CPQ: variants seen among roughly 807,000 people sequenced by gnomAD.
The protein encoded by CPQ is carboxypeptidase Q.
A neutral mutation model predicts 45.7 loss-of-function variants in CPQ; 37 were observed. The observed-to-expected ratio is 0.81, with a 90% CI of 0.62 to 1.07. CPQ has a LOEUF of 1.07. CPQ is among the 50% of genes least tolerant of loss of function. The pLI is 0.00. For synonymous variants in CPQ, 186 were observed against 205.8 expected, an observed-to-expected ratio of 0.90 and a Z score of 0.82; for missense variants, 537 against 572.9, an observed-to-expected ratio of 0.94 and a Z score of 0.64.
At chr8:97,084,614 C>CA (rs1470021294) in intron 7 of CPQ, among the ~76,000 whole-genome samples, 2 of 152,288 alleles carry the variant, frequency 1.3e-5, no homozygotes, top group African/African-American at 4.8e-5. Context: ...ATTACAGAGG[C>CA]ACATACAGTG....
At chr8:96,883,062 C>T (rs1812249780) in intron 4 of CPQ, among the ~76,000 whole-genome samples, 1 of 152,128 alleles carries the variant, frequency 6.6e-6, no homozygotes, top group South Asian at 2.1e-4. Flanking sequence ...TTATTTCACT[C>T]AGCATAATGC....
At chr8:96,679,272 T>C (rs1809116662) in intron 1 of CPQ, among the ~76,000 whole-genome samples, 1 of 152,170 alleles carries the variant, frequency 6.6e-6, no homozygotes, top group South Asian at 2.1e-4. Context: ...AAATTCCACT[T>C]GATTGTGGTG....
chr8:96,647,052 C>T (rs1313873697), intron 1 of CPQ, among the ~76,000 whole-genome samples: 1 of 152,214 alleles, frequency 6.6e-6, no homozygotes, highest in Non-Finnish European at 1.5e-5. Flanking sequence ...ATCTGGGGAA[C>T]TGCATCACTA....
chr8:96,965,973 T>TGG lies in CPQ; in HGVS notation c.890_891dup (p.Gln298GlyfsTer56). On this transcript the variant is annotated frameshift_variant, in exon 5 of 8. Transcript: ENST00000220763. LOFTEE classifies it high-confidence loss of function. ...GTGGACATCTGGACAGCTGGGATGT[T>TGG]GGGCAGGGTGCCATGGATGATGGCG... The TGG allele has an allele frequency of 6.2e-7, 1 of 1,614,064 alleles. No homozygotes were observed. Among genetic ancestry groups the TGG allele is most frequent in the South Asian group, 1.1e-5 (1 of 91,070 alleles).
chr8:97,091,351 T>C (rs976994628), intron 7 of CPQ, among the ~76,000 whole-genome samples: 7 of 152,306 alleles, frequency 4.6e-5, no homozygotes, highest in African/African-American at 1.7e-4. Flanking sequence ...AACTGGCTAG[T>C]TTTGACTGAC....
At chr8:96,792,498 CT>C (rs1172954753) in intron 2 of CPQ, among the ~76,000 whole-genome samples, 2 of 152,066 alleles carry the variant, frequency 1.3e-5, no homozygotes, top group African/African-American at 4.8e-5. Context: ...ACAGGGCTTT[CT>C]TAAAATTTTA....
intron 7 of CPQ, among the ~76,000 whole-genome samples, chr8:97,097,181 C>CG (rs749539514): frequency 5.7e-4 from 87 of 152,138 alleles, no homozygotes; most frequent in Non-Finnish European, 1.0e-3. Flanking sequence ...GTCTATTCCC[C>CG]CTTTTTTTGT....
rs548605778 is a variant in CPQ at position 96,775,603 on chromosome 8, T to C, written c.-34-9261T>C. On this transcript the variant is annotated intron_variant, in intron 1 of 7. Coordinates refer to ENST00000220763, the MANE Select transcript of CPQ (RefSeq NM_016134.4). ...GTCTTCTCTTGATATACAAGATAGT[T>C]GTTTCTTGAAAGAGTCAACTTGCAT... Among the ~76,000 whole-genome samples, 327 of 152,348 alleles carry C rather than the reference T, an allele frequency of 2.1e-3. 1 individual carries two copies. The highest frequency in any genetic ancestry group is 6.8e-3 in the Middle Eastern group (2 of 294).
At chr8:96,964,725 A>AT (rs1304770624) in intron 4 of CPQ, among the ~76,000 whole-genome samples, 1 of 151,912 alleles carries the variant, frequency 6.6e-6, no homozygotes, top group African/African-American at 2.4e-5. Flanking sequence ...GTAATTTATT[A>AT]TTTTTTTCTT....
At chr8:96,874,620 C>A (rs1812122012) in intron 3 of CPQ, among the ~76,000 whole-genome samples, 1 of 151,790 alleles carries the variant, frequency 6.6e-6, no homozygotes, top group African/African-American at 2.4e-5. Context: ...TAGCTTCTTT[C>A]ACTTAGAATA....
chr8:97,028,269 G>A (rs369900474), intron 5 of CPQ, among the ~76,000 whole-genome samples: 2 of 152,172 alleles, frequency 1.3e-5, no homozygotes, highest in East Asian at 1.9e-4. Context: ...AGTGCCTCTT[G>A]GAGCCTGGAA....
rs867953411 is a variant in CPQ at position 97,070,246 on chromosome 8, G to A, written c.1255+4036G>A. ...GTGTTCATGAATCCTTCCTGAGTCC[G>A]TAGTGCTCTATTGCTTTTCCAAATT... is the stretch of plus-strand genomic sequence containing the variant. On this transcript the variant is annotated intron_variant, in intron 7 of 7. Transcript: ENST00000220763. 5.9e-5 allele frequency among the ~76,000 whole-genome samples: 9 copies of A among 152,124 alleles called. No homozygotes were observed. The Middle Eastern group carries it at 0.01, about 172-fold the overall frequency.
intron 5 of CPQ, among the ~76,000 whole-genome samples, chr8:97,016,860 A>T (rs550222934): frequency 6.6e-6 from 1 of 152,348 alleles, no homozygotes; most frequent in South Asian, 2.1e-4. Context: ...AGAGCTTAGG[A>T]TGAGAAGCAG....
chr8:97,086,701 C>G (rs1489096724), intron 7 of CPQ, among the ~76,000 whole-genome samples: 2 of 152,134 alleles, frequency 1.3e-5, no homozygotes, highest in Non-Finnish European at 2.9e-5. Flanking sequence ...TCAAATAATA[C>G]TAGATCTCCT....
At chr8:96,885,149 A>G (rs1812283847) in intron 4 of CPQ, among the ~76,000 whole-genome samples, 1 of 152,214 alleles carries the variant, frequency 6.6e-6, no homozygotes, top group Admixed American at 6.5e-5. Context: ...GCAATTTGCA[A>G]GGAACTAAGG....
At chr8:96,894,328 C>G (rs1270579703) in intron 4 of CPQ, among the ~76,000 whole-genome samples, 3 of 152,082 alleles carry the variant, frequency 2.0e-5, no homozygotes, top group Non-Finnish European at 4.4e-5. Flanking sequence ...TTGGGGTAAA[C>G]TAATACAGCA....
chr8:96,838,566 G>T (rs1306303447), intron 3 of CPQ, among the ~76,000 whole-genome samples: 1 of 152,088 alleles, frequency 6.6e-6, no homozygotes, highest in Non-Finnish European at 1.5e-5. Context: ...TGTCCAGGGT[G>T]AAAGGAAAGT....
intron 3 of CPQ, among the ~76,000 whole-genome samples, chr8:96,862,685 G>A (rs1239189629): frequency 2.6e-5 from 4 of 152,020 alleles, no homozygotes; most frequent in Admixed American, 2.0e-4. Flanking sequence ...CTACATATCT[G>A]TTCTTTACTC....
intron 4 of CPQ, among the ~76,000 whole-genome samples, chr8:96,914,445 A>G (rs891778186): frequency 2.6e-5 from 4 of 152,162 alleles, no homozygotes; most frequent in Non-Finnish European, 5.9e-5. Flanking sequence ...TAATAGATAT[A>G]ATAAACACTG....
Sources: gnomAD v4.1 joint callset for allele counts (sites outside exome capture counted in the v4.1 genomes callset) on GRCh38, gnomAD v4.1.1 for gene constraint, MANE v1.5 for transcripts, NCBI Gene and HGNC (gene_info 2026-07-23, HGNC 2026-07-21) for gene names.